Variants in TRPC4 observed in about 807,000 individuals in gnomAD.
TRPC4 encodes short transient receptor potential channel 4.
A neutral mutation model predicts 99.4 loss-of-function variants in TRPC4; 49 were observed. The ratio of observed to expected loss-of-function variants is 0.49; its 90% confidence interval spans 0.39 to 0.63. The LOEUF is 0.63. TRPC4 is among the 20% of genes least tolerant of loss of function. The pLI, the probability that TRPC4 is intolerant of heterozygous loss-of-function variation, is 0.00. For missense variants in TRPC4, 898 were observed against 1,152.9 expected, an observed-to-expected ratio of 0.78 and a Z score of 3.20; for synonymous variants, 454 against 425.9, an observed-to-expected ratio of 1.07 and a Z score of -0.81.
chr13:37,714,308 G>C (rs1182255476), intron 3 of TRPC4, among the ~76,000 whole-genome samples: 1 of 151,916 alleles, frequency 6.6e-6, no homozygotes, highest in Non-Finnish European at 1.5e-5. Context: ...TGTATTTTCA[G>C]TAGAGACAGG....
intron 2 of TRPC4, among the ~76,000 whole-genome samples, chr13:37,776,698 A>G (rs1239890441): frequency 6.6e-6 from 1 of 151,964 alleles, no homozygotes; most frequent in Non-Finnish European, 1.5e-5. Context: ...AATGTCATTT[A>G]ATAATTACCA....
intron 1 of TRPC4, among the ~76,000 whole-genome samples, chr13:37,836,332 A>G (rs1234379910): frequency 2.0e-5 from 3 of 152,196 alleles, no homozygotes; most frequent in Non-Finnish European, 4.4e-5. Context: ...CAACTTTGGA[A>G]CTGGGTAACA....
chr13:37,753,676 G>T (rs1956015183), intron 2 of TRPC4, among the ~76,000 whole-genome samples: 1 of 151,910 alleles, frequency 6.6e-6, no homozygotes, highest in South Asian at 2.1e-4. Context: ...GAGAAGAAGA[G>T]ATCTCATCCA....
At chr13:37,745,481 C>CGT (rs1566138458) in intron 3 of TRPC4, among the ~76,000 whole-genome samples, 1 of 115,614 alleles carries the variant, frequency 8.6e-6, no homozygotes, top group East Asian at 2.7e-4. Context: ...TATACACACA[C>CGT]ACACACACTT....
chr13:37,677,686 A>G (rs568298774), intron 4 of TRPC4, among the ~76,000 whole-genome samples: 41 of 152,284 alleles, frequency 2.7e-4, no homozygotes, highest in South Asian at 2.3e-3. Flanking sequence ...CTGAAACAAG[A>G]AACAAAGAAA....
At chr13:37,776,767 T>C (rs1215071375) in intron 2 of TRPC4, among the ~76,000 whole-genome samples, 6 of 151,926 alleles carry the variant, frequency 3.9e-5, no homozygotes. Context: ...ACCCAATGAA[T>C]ACAAGAGTTA....
intron 4 of TRPC4, among the ~76,000 whole-genome samples, chr13:37,679,406 A>G (rs1209164469): frequency 6.6e-6 from 1 of 152,206 alleles, no homozygotes; most frequent in East Asian, 1.9e-4. Context: ...ATGGTAATAC[A>G]TTGATTACAG....
chr13:37,835,998 A>T (rs1188644683), intron 1 of TRPC4, among the ~76,000 whole-genome samples: 2 of 148,036 alleles, frequency 1.4e-5, no homozygotes, highest in Non-Finnish European at 3.0e-5. Flanking sequence ...TAATTGAATC[A>T]TGGGGGCAAG....
At chr13:37,657,818 GA>G (rs931159983) in intron 6 of TRPC4, among the ~76,000 whole-genome samples, 3 of 152,036 alleles carry the variant, frequency 2.0e-5, no homozygotes, top group Non-Finnish European at 4.4e-5. Context: ...ATTTAAAGGG[GA>G]AAATTCTAAA....
chr13:37,637,244 A>C lies in TRPC4; in HGVS notation c.2593T>G (p.Phe865Val), dbSNP rs1342870886. The C allele has an allele frequency of 1.9e-6, 3 of 1,613,890 alleles. No homozygotes were observed. Among genetic ancestry groups the C allele is most frequent in the South Asian group, 1.1e-5 (1 of 91,076 alleles). Reference protein sequence around the residue: ...NAAEQNANQIFSVSEEVARQQ... With the variant: ...NAAEQNANQIVSVSEEVARQQ... ...CGAGCAACTTCTTCTGAAACAGAGAAGATTTGGTTTGCATTTTGCTCAGCA... is the reference window on the plus strand; with the variant it reads ...CGAGCAACTTCTTCTGAAACAGAGACGATTTGGTTTGCATTTTGCTCAGCA... The change falls in exon 11 of 11, where the codon TTC becomes GTC. Residue 865 changes from phenylalanine to valine, a missense_variant. Physicochemically the swap from Phe to Val is conservative, Grantham distance 50 (BLOSUM62 -1). Coordinates refer to ENST00000379705, the MANE Select transcript of TRPC4 (RefSeq NM_016179.4).
intron 3 of TRPC4, among the ~76,000 whole-genome samples, chr13:37,719,594 A>G (rs1954796921): frequency 6.6e-6 from 1 of 152,168 alleles, no homozygotes; most frequent in African/African-American, 2.4e-5. Context: ...TAAAGCAAAA[A>G]TTAAGACACT....
At chr13:37,855,785 T>G (rs1959168498) in intron 1 of TRPC4, among the ~76,000 whole-genome samples, 2 of 151,844 alleles carry the variant, frequency 1.3e-5, no homozygotes, top group South Asian at 4.1e-4. Context: ...CAATGACCAG[T>G]GCATCAATAA....
intron 2 of TRPC4, among the ~76,000 whole-genome samples, chr13:37,755,154 A>ATTC (rs1486769922): frequency 2.0e-5 from 3 of 152,118 alleles, no homozygotes; most frequent in Non-Finnish European, 4.4e-5. Flanking sequence ...ATTCTATTAA[A>ATTC]TTCAGTTTTT....
chr13:37,674,673 G>C (rs1219609930), intron 4 of TRPC4, among the ~76,000 whole-genome samples: 3 of 151,892 alleles, frequency 2.0e-5, no homozygotes, highest in Admixed American at 1.3e-4. Context: ...ATTTCCCTTG[G>C]AAAATAACAT....
intron 2 of TRPC4, among the ~76,000 whole-genome samples, chr13:37,758,423 T>A (rs1340681038): frequency 1.4e-4 from 21 of 151,810 alleles, no homozygotes; most frequent in African/African-American, 4.8e-4. Context: ...TGATAAGGAT[T>A]ATTTACCAAA....
intron 5 of TRPC4, among the ~76,000 whole-genome samples, chr13:37,673,674 G>C (rs1203122928): frequency 6.6e-6 from 1 of 152,076 alleles, no homozygotes; most frequent in Non-Finnish European, 1.5e-5. Flanking sequence ...TAAGATTGAT[G>C]GTGTACAAAA....
At chr13:37,697,148 C>T (rs1157525520) in intron 3 of TRPC4, among the ~76,000 whole-genome samples, 1 of 152,050 alleles carries the variant, frequency 6.6e-6, no homozygotes, top group African/African-American at 2.4e-5. Context: ...GCAGGTGAAA[C>T]ACTAATTAAG....
At chr13:37,769,084 T>G (rs1956472757) in intron 2 of TRPC4, among the ~76,000 whole-genome samples, 1 of 151,532 alleles carries the variant, frequency 6.6e-6, no homozygotes, top group Non-Finnish European at 1.5e-5. Flanking sequence ...TGGAAACTTG[T>G]AATTTTATTG....
chr13:37,802,984 C>A (rs1037319386), intron 1 of TRPC4, among the ~76,000 whole-genome samples: 1 of 151,586 alleles, frequency 6.6e-6, no homozygotes, highest in Admixed American at 6.6e-5. Flanking sequence ...ATTTATTTAT[C>A]CATATCATTT....
Sources: allele counts gnomAD v4.1 joint callset (sites outside exome capture counted in the v4.1 genomes callset), GRCh38; gene constraint gnomAD v4.1.1; transcripts MANE v1.5; gene names NCBI Gene and HGNC (gene_info 2026-07-23, HGNC 2026-07-21).